PCDHA3: variants seen among roughly 807,000 people sequenced by gnomAD.
PCDHA3 encodes the protein protocadherin alpha-3.
In PCDHA3, 41 loss-of-function variants were observed where a neutral mutation model predicts 62.2. The observed-to-expected ratio is 0.66, with a 90% CI of 0.51 to 0.86. The LOEUF is 0.86. PCDHA3 is among the 40% of genes least tolerant of loss of function. The pLI, the probability that PCDHA3 is intolerant of heterozygous loss-of-function variation, is 0.00. For synonymous variants in PCDHA3, 640 were observed against 555.4 expected, an observed-to-expected ratio of 1.15 and a Z score of -2.14; for missense variants, 1,304 against 1,241.2, an observed-to-expected ratio of 1.05 and a Z score of -0.76.
At chr5:140,899,508 T>C (rs1389762615) in intron 1 of PCDHA3, among the ~76,000 whole-genome samples, 4 of 151,990 alleles carry the variant, frequency 2.6e-5, no homozygotes, top group Admixed American at 1.3e-4. Flanking sequence ...GATTTGCATA[T>C]ATTGCATCCC....
intron 1 of PCDHA3, chr5:140,836,766 C>A (rs2150269669): frequency 6.4e-7 from 1 of 1,562,092 alleles, no homozygotes; most frequent in South Asian, 1.2e-5. Flanking sequence ...TTGTTTCCAA[C>A]AATTTTAAAA....
At chr5:140,943,630 T>C (rs1224015760) in intron 1 of PCDHA3, among the ~76,000 whole-genome samples, 1 of 152,130 alleles carries the variant, frequency 6.6e-6, no homozygotes, top group Non-Finnish European at 1.5e-5. Flanking sequence ...ATAAGGAAGC[T>C]GGATTATGGA....
chr5:140,980,441 A>G (rs1454168972), intron 2 of PCDHA3, among the ~76,000 whole-genome samples: 7 of 152,124 alleles, frequency 4.6e-5, no homozygotes, highest in African/African-American at 1.7e-4. Context: ...ACCATCCTGG[A>G]CAACACGGTG....
intron 1 of PCDHA3, among the ~76,000 whole-genome samples, chr5:140,839,342 G>T (rs1463316254): frequency 6.6e-6 from 1 of 150,532 alleles, no homozygotes; most frequent in East Asian, 2.0e-4. Context: ...GTTGATAGGG[G>T]ATCCTCCTTA....
chr5:140,885,485 T>C (rs2060611651), intron 1 of PCDHA3, among the ~76,000 whole-genome samples: 1 of 152,188 alleles, frequency 6.6e-6, no homozygotes, highest in Non-Finnish European at 1.5e-5. Context: ...GTGTCAAGTG[T>C]TCTGTTATCT....
Position 140,876,936 on chromosome 5 carries a change from G to C in PCDHA3, c.2394+73345G>C, listed in dbSNP as rs567563243. On this transcript the variant is annotated intron_variant, in intron 1 of 3. Transcript: ENST00000522353. ...GGGACGCGGACGCGCAGAAGAACGCGCTGGTGTCCTACTCGCTGGTGGAGC... is the reference window on the plus strand; with the variant it reads ...GGGACGCGGACGCGCAGAAGAACGCCCTGGTGTCCTACTCGCTGGTGGAGC... 190 of 1,613,730 alleles carry C rather than the reference G, an allele frequency of 1.2e-4. 1 individual carries two copies. The highest frequency in any genetic ancestry group is 1.5e-4 in the South Asian group (14 of 91,062).
intron 1 of PCDHA3, chr5:140,862,879 G>T: frequency 1.8e-6 from 1 of 567,506 alleles, no homozygotes. Context: ...AGGTATTAGT[G>T]CTGGAACGAC....
chr5:140,813,619 T>C (rs1554126251), intron 1 of PCDHA3: 1 of 152,184 alleles, frequency 6.6e-6, no homozygotes, highest in Non-Finnish European at 1.5e-5. Flanking sequence ...GGTGAGTGAA[T>C]GTGAAGGCCC....
chr5:140,954,025 C>A (rs533473552), intron 1 of PCDHA3, among the ~76,000 whole-genome samples: 1 of 152,072 alleles, frequency 6.6e-6, no homozygotes, highest in African/African-American at 2.4e-5. Context: ...CATAGTGGGA[C>A]GATGTGGTAT....
chr5:140,828,562 G>T, intron 1 of PCDHA3: 2 of 1,614,232 alleles, frequency 1.2e-6, no homozygotes. Flanking sequence ...TGGAGGGCGC[G>T]TCCGATGCAG....
intron 1 of PCDHA3, chr5:140,966,700 G>T: frequency 7.3e-7 from 1 of 1,365,440 alleles, no homozygotes; most frequent in Non-Finnish European, 9.4e-7. Context: ...GGGCCCGGGC[G>T]TGGGGCACGG....
intron 1 of PCDHA3, chr5:140,850,860 C>T (rs2150500728): frequency 6.3e-7 from 1 of 1,593,350 alleles, no homozygotes; most frequent in Non-Finnish European, 8.6e-7. Flanking sequence ...AACGGGAGAA[C>T]CCTCTGCTTC....
chr5:140,993,462 TCACACACACACACACA>T (rs3836747), intron 3 of PCDHA3, among the ~76,000 whole-genome samples: 191 of 141,044 alleles, frequency 1.4e-3, no homozygotes, highest in African/African-American at 3.8e-3. Context: ...TCTTTCTTTC[TCACACACACACACACA>T]CACACACACA....
In PCDHA3 at chr5:140,934,078, G is replaced by A. The variant is rs13188437; in HGVS notation, c.2395-44871G>A. On this transcript the variant is annotated intron_variant, in intron 1 of 3. Transcript: ENST00000522353. ...GGCTAACTTTTGGTGTTTTGGGTTC[G>A]CTTTGTTGTATGTTTGCTTTCTATT... is the stretch of plus-strand genomic sequence containing the variant. 1.4e-3 allele frequency among the ~76,000 whole-genome samples: 217 copies of A among 151,620 alleles called. 1 individual carries two copies. Among genetic ancestry groups the A allele is most frequent in the African/African-American group, 4.8e-3 (200 of 41,380 alleles).
chr5:140,823,638 C>T (rs2150127747), intron 1 of PCDHA3: 14 of 1,613,898 alleles, frequency 8.7e-6, no homozygotes, highest in African/African-American at 2.7e-5. Flanking sequence ...GCATCCCGTT[C>T]CGCGTGGGGC....
In PCDHA3 at chr5:140,927,952, G is replaced by C. The variant is rs1352026553; in HGVS notation, c.2395-50997G>C. 6 of 1,614,064 alleles carry C rather than the reference G, an allele frequency of 3.7e-6. No homozygotes were observed. In the African/African-American group the frequency reaches 8.0e-5, roughly 22 times the overall value. On this transcript the variant is annotated intron_variant, in intron 1 of 3. Coordinates refer to ENST00000522353, the MANE Select transcript of PCDHA3 (RefSeq NM_018906.3). ...TTCGAACCCAGTACCTGAGGACGCTGCCCCTGGCACAGTGATTGCTCTCTT... is the reference window on the plus strand; with the variant it reads ...TTCGAACCCAGTACCTGAGGACGCTCCCCCTGGCACAGTGATTGCTCTCTT...
chr5:140,941,894 T>G (rs1398323055), intron 1 of PCDHA3, among the ~76,000 whole-genome samples: 2 of 152,230 alleles, frequency 1.3e-5, no homozygotes, highest in African/African-American at 4.8e-5. Context: ...AGCATCTAAG[T>G]AACATTGAAA....
chr5:140,812,423 A>G (rs1765104720), intron 1 of PCDHA3: 1 of 151,764 alleles, frequency 6.6e-6, no homozygotes, highest in Non-Finnish European at 1.5e-5. Flanking sequence ...TTGTTTTTTC[A>G]AAAAATCAAC....
chr5:140,849,625 T>A, intron 1 of PCDHA3: 1 of 1,598,718 alleles, frequency 6.3e-7, no homozygotes, highest in Non-Finnish European at 8.6e-7. Flanking sequence ...GTGATCGACC[T>A]AGACGCAGAT....
Sources: allele counts gnomAD v4.1 joint callset (sites outside exome capture counted in the v4.1 genomes callset), GRCh38; gene constraint gnomAD v4.1.1; transcripts MANE v1.5; gene names NCBI Gene and HGNC (gene_info 2026-07-23, HGNC 2026-07-21).